The following ABCA13 variants were observed in gnomAD, a reference collection of about 807,000 sequenced individuals.
ABCA13 encodes the protein ATP-binding cassette sub-family A member 13.
In ABCA13, 476 loss-of-function variants were observed where a neutral mutation model predicts 478.7. The ratio of observed to expected loss-of-function variants is 0.99; its 90% CI spans 0.92 to 1.07. The LOEUF (loss-of-function observed/expected upper bound fraction) is 1.07, where lower values mean the gene tolerates loss of function less well. Ranked by LOEUF, ABCA13 falls within the 50% of genes least tolerant of loss-of-function variation. The pLI is 0.00. For missense variants in ABCA13, 6,060 were observed against 5,910.6 expected, an observed-to-expected ratio of 1.03 and a Z score of -0.83; for synonymous variants, 2,252 against 2,158.9, an observed-to-expected ratio of 1.04 and a Z score of -1.20.
chr7:48,181,573 C>A (rs1400310325), intron 1 of ABCA13, among the ~76,000 whole-genome samples: 1 of 149,400 alleles, frequency 6.7e-6, no homozygotes, highest in South Asian at 2.1e-4. Context: ...TTTTTTAAGT[C>A]TCAATTCAAG....
At chr7:48,221,009 A>T (rs1429860392) in intron 4 of ABCA13, among the ~76,000 whole-genome samples, 1 of 152,152 alleles carries the variant, frequency 6.6e-6, no homozygotes, top group Non-Finnish European at 1.5e-5. Context: ...TTAGATACTA[A>T]TTAAATAATA....
At position 48,482,076 on chromosome 7, in the gene ABCA13, T is replaced by G. The variant is rs540856873; in HGVS notation, c.13094+922T>G. Among the ~76,000 whole-genome samples the G allele has an allele frequency of 5.3e-5, 8 of 152,130 alleles. No homozygotes were observed. The East Asian group carries it at 1.5e-3, about 29-fold the overall frequency. On this transcript the variant is annotated intron_variant, in intron 46 of 61. Transcript: ENST00000435803. ...TTAAATGTTAACCCTTTTTTTGAAG[T>G]TTAATAGATACAAGATACTGTGCAA...
chr7:48,509,324 C>T (rs1011189635), intron 50 of ABCA13, among the ~76,000 whole-genome samples: 1 of 152,124 alleles, frequency 6.6e-6, no homozygotes, highest in African/African-American at 2.4e-5. Flanking sequence ...GTTCCCTGTG[C>T]TACACACTGC....
Position 48,275,402 on chromosome 7 carries a change from T to A in ABCA13, c.5736T>A (p.Ser1912=), listed in dbSNP as rs371324835. 7.3e-5 allele frequency: 118 copies of A among 1,613,836 alleles called. 1 individual carries two copies. Among genetic ancestry groups the A allele is most frequent in the South Asian group, 5.7e-4 (52 of 91,086 alleles). Residue 1912 remains serine (S), a synonymous_variant, in exon 17 of 62, where the codon TCT becomes TCA. Coordinates refer to ENST00000435803, the MANE Select transcript of ABCA13 (RefSeq NM_152701.5). ...CTGAAGTCTTCCATGTTAACATTTC[T>A]CTTGTGAAAACTGTGCAGAAATTTT... ...ELSEVFHVNI[S]LVKTVQKFWH... is the part of the protein sequence containing the mutation.
chr7:48,282,827 G>T (rs1402490953), intron 19 of ABCA13, among the ~76,000 whole-genome samples: 1 of 152,170 alleles, frequency 6.6e-6, no homozygotes, highest in Admixed American at 6.5e-5. Context: ...TGATGAACAT[G>T]TGTCTCTTCT....
At chr7:48,364,281 T>C (rs1585020344) in intron 31 of ABCA13, among the ~76,000 whole-genome samples, 1 of 152,198 alleles carries the variant, frequency 6.6e-6, no homozygotes, top group African/African-American at 2.4e-5. Context: ...TAACTTTTTT[T>C]TGCTTTTTTA....
intron 48 of ABCA13, among the ~76,000 whole-genome samples, chr7:48,504,040 A>G (rs1830986240): frequency 6.6e-6 from 1 of 152,230 alleles, no homozygotes; most frequent in Admixed American, 6.5e-5. Context: ...AACAAAACAA[A>G]CAAAATGAAA....
At chr7:48,403,365 C>T (rs1217287078) in intron 38 of ABCA13, among the ~76,000 whole-genome samples, 1 of 152,186 alleles carries the variant, frequency 6.6e-6, no homozygotes, top group Non-Finnish European at 1.5e-5. Context: ...ATGCAGGGCC[C>T]TCCCTGGCAG....
intron 8 of ABCA13, among the ~76,000 whole-genome samples, chr7:48,235,421 T>G (rs2129002313): frequency 6.6e-6 from 1 of 152,210 alleles, no homozygotes; most frequent in East Asian, 1.9e-4. Flanking sequence ...ATATTGAGAT[T>G]AGAATTAAAA....
At chr7:48,375,519 C>G (rs73099318) in intron 34 of ABCA13, among the ~76,000 whole-genome samples, 1,824 of 152,094 alleles carry the variant, frequency 0.012, 17 homozygotes, top group Non-Finnish European at 0.018. Flanking sequence ...TTCTAAAAAT[C>G]TATTGGCAGC....
At chr7:48,284,082 T>C (rs1584623576) in intron 19 of ABCA13, among the ~76,000 whole-genome samples, 1 of 152,218 alleles carries the variant, frequency 6.6e-6, no homozygotes, top group African/African-American at 2.4e-5. Flanking sequence ...TTGGGAAAAC[T>C]ACTTCTCAGC....
intron 11 of ABCA13, among the ~76,000 whole-genome samples, chr7:48,244,980 T>C (rs990080210): frequency 6.6e-6 from 1 of 152,130 alleles, no homozygotes; most frequent in Non-Finnish European, 1.5e-5. Flanking sequence ...TAAGGCTGGG[T>C]TGACTTTCAC....
intron 23 of ABCA13, among the ~76,000 whole-genome samples, chr7:48,299,837 T>C (rs1262516646): frequency 5.9e-5 from 9 of 152,180 alleles, no homozygotes; most frequent in African/African-American, 2.2e-4. Flanking sequence ...AATGTGGTAT[T>C]GTCTTGTGTA....
In ABCA13 at chr7:48,354,209, C is replaced by T. The variant is rs1196711015; in HGVS notation, c.10688+1722C>T. ...CATTCTGACAATCTCCTTCTAGCTC[C>T]AAAGTATGCTATGATCTCCACCCAT... is the stretch of plus-strand genomic sequence containing the variant. On this transcript the variant is annotated intron_variant, in intron 31 of 61. Transcript: ENST00000435803. 4.6e-5 allele frequency among the ~76,000 whole-genome samples: 7 copies of T among 152,080 alleles called. 1 individual carries two copies. The East Asian group carries it at 7.7e-4, about 17-fold the overall frequency.
chr7:48,309,077 C>G (rs1015211675), intron 23 of ABCA13, among the ~76,000 whole-genome samples: 1 of 124,188 alleles, frequency 8.1e-6, no homozygotes, highest in African/African-American at 2.9e-5. Flanking sequence ...TCTCTTGGTT[C>G]TGTTTCTCTG....
chr7:48,302,845 C>G (rs1800340736), intron 23 of ABCA13, among the ~76,000 whole-genome samples: 1 of 152,076 alleles, frequency 6.6e-6, no homozygotes, highest in Non-Finnish European at 1.5e-5. Flanking sequence ...ATTTATATTC[C>G]TTTGGGTATA....
intron 42 of ABCA13, among the ~76,000 whole-genome samples, chr7:48,437,281 T>C (rs1053963509): frequency 4.6e-5 from 7 of 152,176 alleles, no homozygotes; most frequent in African/African-American, 1.7e-4. Context: ...ATGTTCTTTG[T>C]CTTTTGCATT....
At chr7:48,346,912 A>G (rs191768802) in intron 29 of ABCA13, among the ~76,000 whole-genome samples, 150 of 152,320 alleles carry the variant, frequency 9.8e-4, no homozygotes, top group African/African-American at 3.5e-3. Context: ...TGCCACTTCT[A>G]TGTTCCCAAA....
intron 28 of ABCA13, among the ~76,000 whole-genome samples, chr7:48,337,217 G>A (rs898818976): frequency 1.3e-5 from 2 of 152,158 alleles, no homozygotes; most frequent in African/African-American, 4.8e-5. Context: ...TCTGCCACTA[G>A]ATGGAGTGGT....
Sources: gnomAD v4.1 joint callset for allele counts (sites outside exome capture counted in the v4.1 genomes callset) on GRCh38, gnomAD v4.1.1 for gene constraint, MANE v1.5 for transcripts, NCBI Gene and HGNC (gene_info 2026-07-23, HGNC 2026-07-21) for gene names.